Variants in STAC3 observed in about 807,000 individuals in gnomAD.
The protein encoded by STAC3 is SH3 and cysteine rich domain 3, also known as SH3 and cysteine-rich domain-containing protein 3.
A neutral mutation model predicts 48.5 loss-of-function variants in STAC3; 30 were observed. The ratio of observed to expected loss-of-function variants is 0.62; its 90% CI spans 0.46 to 0.84. STAC3 has a LOEUF of 0.84. STAC3 is among the 40% of genes least tolerant of loss of function. The pLI, the probability that STAC3 is intolerant of heterozygous loss-of-function variation, is 0.00. For synonymous variants in STAC3, 144 were observed against 158.6 expected, an observed-to-expected ratio of 0.91 and a Z score of 0.69; for missense variants, 419 against 462.6, an observed-to-expected ratio of 0.91 and a Z score of 0.86.
chr12:57,246,589 T>C (rs1312979308), intron 6 of STAC3, among the ~76,000 whole-genome samples: 1 of 152,168 alleles, frequency 6.6e-6, no homozygotes, highest in Non-Finnish European at 1.5e-5. Flanking sequence ...TTTCACCACG[T>C]TGGCCAGGCA....
intron 5 of STAC3, among the ~76,000 whole-genome samples, chr12:57,247,403 A>AATTATTATT (rs747575932): frequency 2.9e-5 from 3 of 102,690 alleles, no homozygotes; most frequent in African/African-American, 7.4e-5. Flanking sequence ...AGGGTTGCCA[A>AATTATTATT]ATTATTATTA....
At position 57,246,762 on chromosome 12, in the gene STAC3, G is replaced by A. The variant is rs182805129; in HGVS notation, c.603+42C>T. The A allele has an allele frequency of 3.9e-6, 6 of 1,543,610 alleles. No homozygotes were observed. In the Admixed American group the frequency reaches 6.7e-5, roughly 17 times the overall value. On this transcript the variant is annotated intron_variant, in intron 6 of 11. Coordinates refer to ENST00000332782, the MANE Select transcript of STAC3 (RefSeq NM_145064.3). ...CAAATGGGAAAATGACCTGCTCCAT[G>A]GGATCTCTGGGAGGGACCTCGTGGG...
In STAC3 at chr12:57,245,194, C is replaced by T. The variant is rs769220317; in HGVS notation, c.621G>A (p.Met207Ile). The change falls in exon 7 of 12, where the codon ATG becomes ATA. Residue 207 changes from methionine (M) to isoleucine (I), a missense_variant. Met to Ile is a conservative substitution (Grantham distance 10, BLOSUM62 1). Transcript: ENST00000332782. ...ADKKNPVAAMMEEEPESARPE... is the reference protein window; with the variant it reads ...ADKKNPVAAMIEEEPESARPE... ...GTCTGGCCGACTCTGGCTCCTCCTC[C>T]ATCATGGCTGCTACAGGCTGGAGGG... 9.3e-6 allele frequency: 15 copies of T among 1,614,008 alleles called. No individual in the cohort carries two copies. In the South Asian group the frequency reaches 1.5e-4, roughly 17 times the overall value.
Position 57,246,821 on chromosome 12 carries a change from G to C in STAC3, c.586C>G (p.Gln196Glu), listed in dbSNP as rs778226185. ...GTGCTCACATTTTTCTTATCTGCCT[G>C]TCCCTTCTTCCGTTCCTTGTTTGCC... ...IMANKERKKG[Q>E]ADKKNPVAAM... Residue 196 changes from glutamine (Q) to glutamate (E), a missense_variant, in exon 6 of 12, where the codon CAG becomes GAG. Physicochemically the swap from Gln to Glu is conservative, Grantham distance 29. Coordinates refer to ENST00000332782, the MANE Select transcript of STAC3 (RefSeq NM_145064.3). The C allele has an allele frequency of 2.5e-5, 40 of 1,613,850 alleles. No individual in the cohort carries two copies. In the South Asian group the frequency reaches 4.4e-4, roughly 18 times the overall value.
chr12:57,248,691 CCA>C lies in STAC3; in HGVS notation c.432+13_432+14del. ...CGTGGCCATGTCCCCTCCTTGCTCT[CCA>C]CAGCCTACTCACGATCTTGCCGAAG... On this transcript the variant is annotated intron_variant, in intron 4 of 11. Transcript: ENST00000332782. 6.2e-7 allele frequency: 1 copy of C among 1,605,958 alleles called. No homozygotes were observed. Among genetic ancestry groups the C allele is most frequent in the Non-Finnish European group, 8.5e-7 (1 of 1,176,454 alleles).
chr12:57,248,174 T>G lies in STAC3; in HGVS notation c.457A>C (p.Ser153Arg), dbSNP rs767857119. Residue 153 changes from serine to arginine, a missense_variant, in exon 5 of 12, where the codon AGT (serine) becomes CGT (arginine). Transcript: ENST00000332782. ...TGCTGGTTGCTGTAGAGTGGGGAACTATAGGCCCGATGGAAACCAGGTGGC... is the reference window on the plus strand; with the variant it reads ...TGCTGGTTGCTGTAGAGTGGGGAACGATAGGCCCGATGGAAACCAGGTGGC... Reference protein sequence around the residue: ...KIPPGFHRAYSSPLYSNQQYA... With the variant: ...KIPPGFHRAYRSPLYSNQQYA... 2.5e-6 allele frequency: 4 copies of G among 1,614,060 alleles called. No individual in the cohort carries two copies. Among genetic ancestry groups the G allele is most frequent in the Non-Finnish European group, 3.4e-6 (4 of 1,179,968 alleles).
At chr12:57,249,405 C>T in intron 2 of STAC3, 97 bp from the exon 3 acceptor site, 1 of 1,505,860 alleles carries the variant, frequency 6.6e-7, no homozygotes. Flanking sequence ...TTTCTAGTTT[C>T]AGGCAAGGAA....
chr12:57,244,869 G>A, intron 8 of STAC3, 47 bp downstream of exon 8: 8 of 1,607,032 alleles, frequency 5.0e-6, no homozygotes, highest in Non-Finnish European at 6.8e-6. Flanking sequence ...TGTCAGAGCT[G>A]GGTTGGGGAG....
chr12:57,248,955 T>A lies in STAC3; in HGVS notation c.334+86A>T, dbSNP rs544020451. ...TTACACCAACTCTAGCCACAGCCCA[T>A]CTGCTACAAATACTCCTCTCCTATG... On this transcript the variant is annotated intron_variant, in intron 3 of 11. Coordinates refer to ENST00000332782, the MANE Select transcript of STAC3 (RefSeq NM_145064.3). 161 of 1,557,306 alleles carry A rather than the reference T, an allele frequency of 1.0e-4. No homozygotes were observed. In the Middle Eastern group the frequency reaches 3.1e-3, roughly 30 times the overall value.
chr12:57,244,563 G>A lies in STAC3; in HGVS notation c.780C>T (p.Ala260=). 2 of 1,614,206 alleles carry A rather than the reference G, an allele frequency of 1.2e-6. No homozygotes were observed. The highest frequency in any genetic ancestry group is 1.7e-5 in the Admixed American group (1 of 60,020). ...GGAAATCCAGATCGTCCTTCTCCAG[G>A]GCTTTGAACCGATAGAGAGCCACAA... is the stretch of plus-strand genomic sequence containing the variant. ...HYFVALYRFK[A]LEKDDLDFPP... is the part of the protein sequence containing the mutation. The change falls in exon 9 of 12, where the codon GCC becomes GCT. Residue 260 remains alanine (A), a synonymous_variant. Coordinates refer to ENST00000332782, the MANE Select transcript of STAC3 (RefSeq NM_145064.3).
In STAC3 at chr12:57,246,861, G is replaced by A. The variant is rs2037753283; in HGVS notation, c.546C>T (p.Arg182=). Residue 182 remains arginine, a synonymous_variant, in exon 6 of 12, where the codon CGC becomes CGT. Transcript: ENST00000332782. The part of the protein sequence containing the change: ...NRNDPVFETL[R]TGVIMANKER... Reference sequence around the variant, plus strand: ...CCTTGTTTGCCATGATCACCCCAGTGCGCAGGGTTTCAAACACAGGATCAT... The same window carrying A: ...CCTTGTTTGCCATGATCACCCCAGTACGCAGGGTTTCAAACACAGGATCAT... 6.2e-7 allele frequency: 1 copy of A among 1,613,994 alleles called. No individual in the cohort carries two copies. The highest frequency in any genetic ancestry group is 8.5e-7 in the Non-Finnish European group (1 of 1,179,910).
At chr12:57,250,410 A>G (rs970137707) in intron 1 of STAC3, among the ~76,000 whole-genome samples, 2 of 151,110 alleles carry the variant, frequency 1.3e-5, no homozygotes, top group African/African-American at 4.8e-5. Context: ...AAAAAAAAAA[A>G]AAAAAAGCCC....
Position 57,249,560 on chromosome 12 carries a change from C to T in STAC3, c.66+11G>A, listed in dbSNP as rs758886247. On this transcript the variant is annotated intron_variant, in intron 2 of 11. Coordinates refer to ENST00000332782, the MANE Select transcript of STAC3 (RefSeq NM_145064.3). ...GCCCCCCACACCCAGTGGTCAGAGG[C>T]CCAGACTCACCCCACTTTGCCGAGT... 4 of 1,613,782 alleles carry T rather than the reference C, an allele frequency of 2.5e-6. No homozygotes were observed. In the African/African-American group the frequency reaches 5.3e-5, roughly 22 times the overall value.
chr12:57,249,733 T>C, intron 1 of STAC3, 96 bp from the exon 2 acceptor site: 1 of 1,318,530 alleles, frequency 7.6e-7, no homozygotes, highest in East Asian at 2.3e-5. Context: ...AGGGGAGGCT[T>C]TCGGAGAAAT....
chr12:57,247,592 G>A (rs1160632392), intron 5 of STAC3, among the ~76,000 whole-genome samples: 6 of 151,676 alleles, frequency 4.0e-5, no homozygotes, highest in African/African-American at 1.2e-4. Flanking sequence ...CTGCCACCAC[G>A]CCCGGCTAAT....
Position 57,251,187 on chromosome 12 carries a change from G to T in STAC3, c.-196C>A. 2.2e-6 allele frequency: 1 copy of T among 455,524 alleles called. No individual in the cohort carries two copies. Among genetic ancestry groups the T allele is most frequent in the Middle Eastern group, 3.4e-4 (1 of 2,950 alleles). 28.2% of individuals were successfully genotyped at this position (455,524 alleles called of 1,614,324 possible). ...CCTGCCTTGGTGTCAGGGCTGAAAT[G>T]ACAGGGCTGGAGGAAAGTGGACAGC... is the stretch of plus-strand genomic sequence containing the variant. On this transcript the variant is annotated 5_prime_UTR_variant, in exon 1 of 12. Coordinates refer to ENST00000332782, the MANE Select transcript of STAC3 (RefSeq NM_145064.3).
chr12:57,248,377 CTTT>C (rs113333044), intron 4 of STAC3, 179 bp from the exon 5 acceptor site: 4,941 of 443,144 alleles, frequency 0.011, no homozygotes, highest in Middle Eastern at 0.015. Context: ...CATGTCCCCT[CTTT>C]TTTTTTTTTT....
chr12:57,249,825 G>A (rs1592249329), intron 1 of STAC3, 188 bp from the exon 2 acceptor site: 1 of 581,140 alleles, frequency 1.7e-6, no homozygotes, highest in Non-Finnish European at 3.0e-6. Flanking sequence ...GCGTGATCAT[G>A]GCTCACTGCA....
rs186941885 is a variant in STAC3, at chr12:57,249,052, C to T, written c.323G>A (p.Arg108Gln). Residue 108 changes from arginine to glutamine, a missense_variant, in exon 3 of 12, where the codon CGG becomes CAG. By Grantham distance (43) the Arg-to-Gln change is conservative. Coordinates refer to ENST00000332782, the MANE Select transcript of STAC3 (RefSeq NM_145064.3). ...KKPKFCDVCA[R>Q]MIVLNNKFGL... ...CCTTCATGACTCACGAACAATCATC[C>T]GGGCACAGACATCACAGAACTTTGG... 57 of 1,592,502 alleles carry T rather than the reference C, an allele frequency of 3.6e-5. No homozygotes were observed. The African/African-American group carries it at 3.6e-4, about 10-fold the overall frequency.
Sources: gnomAD v4.1 joint callset for allele counts (sites outside exome capture counted in the v4.1 genomes callset) on GRCh38, gnomAD v4.1.1 for gene constraint, MANE v1.5 for transcripts, NCBI Gene and HGNC (gene_info 2026-07-23, HGNC 2026-07-21) for gene names.